GRIN3A: variants seen among roughly 807,000 people sequenced by gnomAD.
The protein encoded by GRIN3A is glutamate receptor ionotropic, NMDA 3A.
A neutral mutation model predicts 92.4 loss-of-function variants in GRIN3A; 47 were observed. The observed-to-expected ratio is 0.51, with a 90% CI of 0.40 to 0.65. GRIN3A has a LOEUF of 0.65. Among genes scored for constraint, GRIN3A ranks in the 30% least tolerant of loss-of-function variants. GRIN3A has a pLI of 0.00. For missense variants in GRIN3A, 1,324 were observed against 1,393.1 expected (o/e 0.95, Z 0.79); for synonymous variants, 527 against 540.6 (o/e 0.97, Z 0.35).
At position 101,702,073 on chromosome 9, in the gene GRIN3A, G is replaced by A. The variant is rs1431968288; in HGVS notation, c.700-14873C>T. Among the ~76,000 whole-genome samples the A allele has an allele frequency of 3.3e-5, 5 of 152,066 alleles. No homozygotes were observed. The East Asian group carries it at 9.7e-4, about 29-fold the overall frequency. ...TCTCAGCACCTTGTGAGGCCAAATTGGGCGAATCACTTGAGGCCAGGAGTT... is the reference window on the plus strand; with the variant it reads ...TCTCAGCACCTTGTGAGGCCAAATTAGGCGAATCACTTGAGGCCAGGAGTT... On this transcript the variant is annotated intron_variant, in intron 1 of 8. Transcript: ENST00000361820.
intron 5 of GRIN3A, among the ~76,000 whole-genome samples, chr9:101,622,341 A>G (rs780211642): frequency 2.6e-5 from 4 of 152,214 alleles, no homozygotes; most frequent in Non-Finnish European, 5.9e-5. Flanking sequence ...GTTTTAAGCC[A>G]AAGTGTTTTC....
chr9:101,686,738 A>G lies in GRIN3A; in HGVS notation c.1162T>C (p.Tyr388His). Reference protein sequence around the residue: ...GKTTQSVFEHYVQDAMELVAR... With the variant: ...GKTTQSVFEHHVQDAMELVAR... ...ACCAGCTCCATAGCATCTTGTACGT[A>G]GTGCTCAAAGACAGACTGTGTTGTT... The change falls in exon 2 of 9, where the codon TAC (tyrosine) becomes CAC (histidine). Residue 388 changes from tyrosine to histidine, a missense_variant. Tyr to His is a moderately conservative substitution (Grantham distance 83, BLOSUM62 2). Coordinates refer to ENST00000361820, the MANE Select transcript of GRIN3A (RefSeq NM_133445.3). The G allele has an allele frequency of 1.2e-6, 2 of 1,614,186 alleles. No individual in the cohort carries two copies. The highest frequency in any genetic ancestry group is 1.7e-6 in the Non-Finnish European group (2 of 1,180,032).
In GRIN3A at chr9:101,670,443, C is replaced by A. The variant is rs1588275393; in HGVS notation, c.1969G>T (p.Val657Leu). Residue 657 changes from valine (V) to leucine (L), a missense_variant, in exon 3 of 9, where the codon GTG becomes TTG. Physicochemically the swap from Val to Leu is conservative, Grantham distance 32. Transcript: ENST00000361820. ...GGAGCTGCTGTATCTCGGGTCCTCA[C>A]TAAGATGCCCAAGCTGGTGGAGAAG... ...PFFSTSLGILVRTRDTAAPIG... is the reference protein window; with the variant it reads ...PFFSTSLGILLRTRDTAAPIG... 3.7e-6 allele frequency: 6 copies of A among 1,613,886 alleles called. No individual in the cohort carries two copies. The highest frequency in any genetic ancestry group is 4.2e-6 in the Non-Finnish European group (5 of 1,179,958).
At chr9:101,719,910 G>C (rs1829990862) in intron 1 of GRIN3A, among the ~76,000 whole-genome samples, 1 of 151,884 alleles carries the variant, frequency 6.6e-6, no homozygotes, top group Non-Finnish European at 1.5e-5. Context: ...CTGTGTTCTG[G>C]CTGTAGTCCT....
chr9:101,572,861 G>T lies in GRIN3A; in HGVS notation c.*313C>A. ...AGTGCAGAGAAAGGGCTAAAAACCAGAAATATTACTGTGGCACCTGGTGAA... is the reference window on the plus strand; with the variant it reads ...AGTGCAGAGAAAGGGCTAAAAACCATAAATATTACTGTGGCACCTGGTGAA... On this transcript the variant is annotated 3_prime_UTR_variant, in exon 9 of 9. Transcript: ENST00000361820. 1 of 365,364 alleles carries T rather than the reference G, an allele frequency of 2.7e-6. No homozygotes were observed. Among genetic ancestry groups the T allele is most frequent in the South Asian group, 2.9e-5 (1 of 34,082 alleles). The allele number at this position is 365,364 out of a possible 1,614,324, so 22.6% of individuals were successfully genotyped here.
At chr9:101,718,217 G>T (rs1829971049) in intron 1 of GRIN3A, among the ~76,000 whole-genome samples, 1 of 152,116 alleles carries the variant, frequency 6.6e-6, no homozygotes, top group African/African-American at 2.4e-5. Context: ...GAGAGGAGGA[G>T]AGAGACACAT....
chr9:101,727,970 C>T (rs1329441576), intron 1 of GRIN3A, among the ~76,000 whole-genome samples: 1 of 151,566 alleles, frequency 6.6e-6, no homozygotes, highest in Non-Finnish European at 1.5e-5. Context: ...CAAATTAACT[C>T]CTCCTGTATC....
At chr9:101,590,427 G>A (rs1006293759) in intron 6 of GRIN3A, among the ~76,000 whole-genome samples, 4 of 128,544 alleles carry the variant, frequency 3.1e-5, no homozygotes, top group African/African-American at 7.9e-5. Flanking sequence ...TGTCACCCAG[G>A]CTGGAGTGCA....
At chr9:101,719,670 A>T (rs1829987738) in intron 1 of GRIN3A, among the ~76,000 whole-genome samples, 1 of 152,110 alleles carries the variant, frequency 6.6e-6, no homozygotes, top group Admixed American at 6.6e-5. Context: ...AAAGCTGGAG[A>T]TGCAAAGGAC....
At chr9:101,594,905 C>A in intron 6 of GRIN3A, 1 of 1,599,588 alleles carries the variant, frequency 6.3e-7, no homozygotes, top group Non-Finnish European at 8.5e-7. Flanking sequence ...CGCCGGGTAA[C>A]TGGCCTCGTT....
At chr9:101,733,943 C>T (rs986015240) in intron 1 of GRIN3A, among the ~76,000 whole-genome samples, 1 of 152,028 alleles carries the variant, frequency 6.6e-6, no homozygotes, top group Non-Finnish European at 1.5e-5. Flanking sequence ...AAGCAGTCCT[C>T]CTGCCTCAGC....
chr9:101,690,071 A>G (rs1389787858), intron 1 of GRIN3A, among the ~76,000 whole-genome samples: 3 of 152,196 alleles, frequency 2.0e-5, no homozygotes, highest in African/African-American at 7.2e-5. Context: ...TTATAGGTAC[A>G]TTCAATTTAT....
chr9:101,579,414 A>T, intron 6 of GRIN3A, 54 bp from the exon 7 acceptor site: 1 of 1,559,966 alleles, frequency 6.4e-7, no homozygotes, highest in Non-Finnish European at 8.8e-7. Flanking sequence ...ACCTGGCCCA[A>T]TGCTTGTGTA....
At position 101,687,052 on chromosome 9, in the gene GRIN3A, G is replaced by A; in HGVS notation, c.848C>T (p.Thr283Ile). The A allele has an allele frequency of 6.2e-7, 1 of 1,614,112 alleles. No individual in the cohort carries two copies. Among genetic ancestry groups the A allele is most frequent in the Middle Eastern group, 1.6e-4 (1 of 6,062 alleles). Residue 283 changes from threonine to isoleucine, a missense_variant, in exon 2 of 9, where the codon ACC becomes ATC. Physicochemically the swap from Thr to Ile is moderately conservative, Grantham distance 89. Coordinates refer to ENST00000361820, the MANE Select transcript of GRIN3A (RefSeq NM_133445.3). ...AAGGTGGAACTTGGAATTATTCTGG[G>A]TAAGGAGGAGGAAGTCGGTGATGTT... is the stretch of plus-strand genomic sequence containing the variant. ...DWNITDFLLLTQNNSKFHLGS... is the reference protein window; with the variant it reads ...DWNITDFLLLIQNNSKFHLGS...
chr9:101,635,265 C>T (rs576447574), intron 3 of GRIN3A, among the ~76,000 whole-genome samples: 5 of 148,536 alleles, frequency 3.4e-5, no homozygotes, highest in East Asian at 4.2e-4. Context: ...CAGCAAATTA[C>T]GGTCTATGGG....
intron 6 of GRIN3A, chr9:101,594,208 C>A: frequency 1.7e-6 from 1 of 603,142 alleles, no homozygotes; most frequent in Non-Finnish European, 2.7e-6. Flanking sequence ...CTTGCTCTTC[C>A]CCCTATAGGG....
intron 2 of GRIN3A, among the ~76,000 whole-genome samples, chr9:101,683,082 G>A (rs1293968931): frequency 2.0e-5 from 3 of 152,220 alleles, no homozygotes; most frequent in African/African-American, 7.2e-5. Flanking sequence ...TCTACATTTA[G>A]TTATTATGGA....
chr9:101,654,110 A>G (rs1454160469), intron 3 of GRIN3A, among the ~76,000 whole-genome samples: 1 of 151,634 alleles, frequency 6.6e-6, no homozygotes, highest in Non-Finnish European at 1.5e-5. Flanking sequence ...TTCATTCAAT[A>G]CAGTGTTTTA....
At chr9:101,669,251 T>C (rs1829282977) in intron 3 of GRIN3A, among the ~76,000 whole-genome samples, 1 of 152,144 alleles carries the variant, frequency 6.6e-6, no homozygotes, top group Non-Finnish European at 1.5e-5. Context: ...TAATTTTCTG[T>C]ACCCCAGCTC....
Sources: gnomAD v4.1 joint callset for allele counts (sites outside exome capture counted in the v4.1 genomes callset) on GRCh38, gnomAD v4.1.1 for gene constraint, MANE v1.5 for transcripts, NCBI Gene and HGNC (gene_info 2026-07-23, HGNC 2026-07-21) for gene names.